CCL23: variants seen among roughly 807,000 people sequenced by gnomAD.
CCL23 encodes C-C motif chemokine ligand 23.
A neutral mutation model predicts 11.8 loss-of-function variants in CCL23; 10 were observed. That is an observed-to-expected ratio of 0.84 (90% CI 0.52 to 1.43). CCL23 has a LOEUF of 1.43. CCL23 is among the 40% of genes most tolerant of loss of function. The pLI is 0.00. For synonymous variants in CCL23, 60 were observed against 61.0 expected, an observed-to-expected ratio of 0.98 and a Z score of 0.07; for missense variants, 181 against 170.9, an observed-to-expected ratio of 1.06 and a Z score of -0.33.
At chr17:36,013,526 G>A in intron 3 of CCL23, 1 of 620,122 alleles carries the variant, frequency 1.6e-6, no homozygotes. Context: ...GCATCCTTGG[G>A]CAGACTTGTG....
At chr17:36,013,487 C>T (rs980805999) in intron 3 of CCL23, 179 bp from the exon 4 acceptor site, 1 of 611,854 alleles carries the variant, frequency 1.6e-6, no homozygotes, top group Non-Finnish European at 2.9e-6. Flanking sequence ...ACCCCCTCAG[C>T]CTGTGGGACT....
chr17:36,013,336 A>C (rs2090071855), intron 3 of CCL23, 28 bp from the exon 4 acceptor site: 1 of 1,468,352 alleles, frequency 6.8e-7, no homozygotes, highest in Non-Finnish European at 9.5e-7. Flanking sequence ...GAAAAGTTAC[A>C]AACTGAGGTG....
chr17:36,013,486 G>A, intron 3 of CCL23, 178 bp from the exon 4 acceptor site: 2 of 611,592 alleles, frequency 3.3e-6, no homozygotes, highest in Non-Finnish European at 5.8e-6. Flanking sequence ...GACCCCCTCA[G>A]CCTGTGGGAC....
chr17:36,014,183 C>T, intron 2 of CCL23, 151 bp downstream of exon 2: 2 of 476,392 alleles, frequency 4.2e-6, no homozygotes, highest in East Asian at 3.6e-5. Flanking sequence ...GAGGGGGTTC[C>T]CATAGCCCGT....
intron 1 of CCL23, among the ~76,000 whole-genome samples, chr17:36,015,811 C>T (rs913274261): frequency 2.6e-5 from 4 of 151,800 alleles, no homozygotes; most frequent in South Asian, 4.2e-4. Context: ...CCAAGGCGGG[C>T]GGATCACTTG....
intron 2 of CCL23, among the ~76,000 whole-genome samples, 179 bp downstream of exon 2, chr17:36,014,155 A>G (rs7222703): frequency 0.22 from 32,982 of 152,086 alleles, 4,448 homozygotes; most frequent in African/African-American, 0.38. Context: ...CCAGAGGGGA[A>G]CAGAGAAGGC....
At chr17:36,017,690 T>C (rs1019885893) in intron 1 of CCL23, 132 bp downstream of exon 1, 15 of 819,066 alleles carry the variant, frequency 1.8e-5, no homozygotes, top group Non-Finnish European at 1.6e-5. Flanking sequence ...GTCTATACTC[T>C]GGTGCTGCTT....
chr17:36,014,427 A>T (rs2090082841), intron 1 of CCL23, 34 bp from the exon 2 acceptor site: 1 of 1,556,240 alleles, frequency 6.4e-7, no homozygotes. Context: ...GAAGGAAATC[A>T]CTGGGCGGCA....
At position 36,013,220 on chromosome 17, in the gene CCL23, G is replaced by T; in HGVS notation, c.391C>A (p.Arg131=). The change falls in exon 4 of 4, where the codon CGG becomes AGG. Residue 131 remains arginine, a synonymous_variant. Transcript: ENST00000615050. ...VCMRMLKLDT[R]IKTRKN ...GTTCAATTCTTCCTGGTCTTGATCC[G>T]TGTGTCCAGCTTCAGCATTCTCATG... 6.2e-7 allele frequency: 1 copy of T among 1,611,740 alleles called. No individual in the cohort carries two copies.
At position 36,013,852 on chromosome 17, in the gene CCL23, T is replaced by C. The variant is rs762365056; in HGVS notation, c.194A>G (p.His65Arg). Residue 65 changes from histidine to arginine, a missense_variant, in exon 3 of 4, where the codon CAT becomes CGT. By Grantham distance (29) the His-to-Arg change is conservative. Coordinates refer to ENST00000615050, the MANE Select transcript of CCL23 (RefSeq NM_005064.6). ...GATGCAGCAGTCAGCACTAGTAGCA[T>C]GGAATCCTGCAGCATGAGAAAGGGT... ...QMTLSHAAGF[H>R]ATSADCCISY... 2 of 1,614,134 alleles carry C rather than the reference T, an allele frequency of 1.2e-6. No individual in the cohort carries two copies. The highest frequency in any genetic ancestry group is 1.7e-6 in the Non-Finnish European group (2 of 1,179,960).
intron 1 of CCL23, among the ~76,000 whole-genome samples, chr17:36,015,552 CT>C (rs960380999): frequency 1.3e-5 from 2 of 152,212 alleles, no homozygotes; most frequent in African/African-American, 4.8e-5. Context: ...ATCATATTAA[CT>C]TTTTAAAACC....
chr17:36,013,116 T>A lies in CCL23; in HGVS notation c.*81A>T. The A allele has an allele frequency of 1.2e-6, 1 of 809,420 alleles. No homozygotes were observed. 50.1% of individuals were successfully genotyped at this position (809,420 alleles called of 1,614,324 possible). A position where few individuals can be genotyped will look rare whatever the true frequency, so the allele number is the denominator to read the frequency against. The stretch of plus-strand genomic sequence containing the variant: ...AAATCCAGAACACAAGAATAAATGC[T>A]TCTTAAAAAAATAATTCAGGAAGGT... On this transcript the variant is annotated 3_prime_UTR_variant, in exon 4 of 4. Coordinates refer to ENST00000615050, the MANE Select transcript of CCL23 (RefSeq NM_005064.6).
chr17:36,017,715 T>C (rs2090107917), intron 1 of CCL23, 107 bp downstream of exon 1: 1 of 1,017,256 alleles, frequency 9.8e-7, no homozygotes, highest in Non-Finnish European at 1.5e-6. Context: ...ATGAGTACCA[T>C]GACCACGTCT....
chr17:36,017,834 G>A lies in CCL23; in HGVS notation c.64C>T (p.Arg22Trp), dbSNP rs769009492. ...MLVTALGSQA[R>W]VTKDAETEFM... ...TCACTGGACTCACCTTTTGTGACCC[G>A]GGCCTGGGATCCAAGGGCAGTAACA... The change falls in exon 1 of 4, where the codon CGG becomes TGG. Residue 22 changes from arginine (R) to tryptophan (W), a missense_variant. Arg to Trp is a moderately radical substitution (Grantham distance 101, BLOSUM62 -3). Coordinates refer to ENST00000615050, the MANE Select transcript of CCL23 (RefSeq NM_005064.6). 46 of 1,613,962 alleles carry A rather than the reference G, an allele frequency of 2.9e-5. No homozygotes were observed. The highest frequency in any genetic ancestry group is 7.7e-5 in the South Asian group (7 of 91,072).
At chr17:36,016,962 T>G (rs1196365248) in intron 1 of CCL23, among the ~76,000 whole-genome samples, 1 of 152,074 alleles carries the variant, frequency 6.6e-6, no homozygotes, top group East Asian at 1.9e-4. Flanking sequence ...CTTATATGGT[T>G]ACATTAAATG....
intron 3 of CCL23, 53 bp downstream of exon 3, chr17:36,013,691 G>T: frequency 6.3e-7 from 1 of 1,584,968 alleles, no homozygotes; most frequent in East Asian, 2.2e-5. Context: ...CTCCCTGCAA[G>T]ATGCTACAGA....
chr17:36,016,786 A>G (rs1207891060), intron 1 of CCL23, among the ~76,000 whole-genome samples: 1 of 149,944 alleles, frequency 6.7e-6, no homozygotes, highest in African/African-American at 2.4e-5. Context: ...TTTAATGACT[A>G]TGCATTTAAT....
Position 36,013,809 on chromosome 17 carries a change from G to A in CCL23, c.237C>T (p.Ser79=). Residue 79 remains serine, a synonymous_variant, in exon 3 of 4, where the codon AGC becomes AGT. Coordinates refer to ENST00000615050, the MANE Select transcript of CCL23 (RefSeq NM_005064.6). ...AACTCTCCAGGAGTGAACACGGGAT[G>A]CTTCGTGGGGTGTAGGAGATGCAGC... ...ADCCISYTPR[S]IPCSLLESYF... 1 of 1,614,220 alleles carries A rather than the reference G, an allele frequency of 6.2e-7. No homozygotes were observed. Among genetic ancestry groups the A allele is most frequent in the Admixed American group, 1.7e-5 (1 of 60,028 alleles).
chr17:36,015,489 A>G (rs747544997), intron 1 of CCL23, among the ~76,000 whole-genome samples: 1 of 152,150 alleles, frequency 6.6e-6, no homozygotes, highest in Non-Finnish European at 1.5e-5. Context: ...CAATTCATGT[A>G]CCTGCTTTGA....
Sources: gnomAD v4.1 joint callset for allele counts (sites outside exome capture counted in the v4.1 genomes callset) on GRCh38, gnomAD v4.1.1 for gene constraint, MANE v1.5 for transcripts, NCBI Gene and HGNC (gene_info 2026-07-23, HGNC 2026-07-21) for gene names.